The following SDK2 variants were observed in gnomAD, a reference collection of about 807,000 sequenced individuals.
SDK2 encodes protein sidekick-2.
A neutral mutation model predicts 253.9 loss-of-function variants in SDK2; 105 were observed. That is an observed-to-expected ratio of 0.41 (90% CI 0.35 to 0.49). The LOEUF (loss-of-function observed/expected upper bound fraction) is 0.49, where lower values mean the gene tolerates loss of function less well. SDK2 is among the 20% of genes least tolerant of loss of function. The pLI is 0.06. For synonymous variants in SDK2, 1,249 were observed against 1,234.9 expected (o/e 1.01, Z -0.24); for missense variants, 2,608 against 3,003.0 (o/e 0.87, Z 3.07).
chr17:73,340,941 G>A (rs896268066), intron 44 of SDK2, among the ~76,000 whole-genome samples: 3 of 151,122 alleles, frequency 2.0e-5, no homozygotes, highest in African/African-American at 4.9e-5. Flanking sequence ...ATGGGGTTTC[G>A]CCATGTTGGT....
intron 1 of SDK2, among the ~76,000 whole-genome samples, chr17:73,569,024 G>T (rs1567848103): frequency 6.6e-6 from 1 of 152,076 alleles, no homozygotes; most frequent in Non-Finnish European, 1.5e-5. Context: ...GTAACCACAA[G>T]AACCAGGAAC....
In SDK2 at chr17:73,609,920, T is replaced by C; in HGVS notation, c.64+34105A>G. ...CTGTCAGGAGACAAAAACAGCTCAC[T>C]GGAGCAAGGGCTGGGACTGGTAGTA... On this transcript the variant is annotated intron_variant, in intron 1 of 44. Coordinates refer to ENST00000392650, the MANE Select transcript of SDK2 (RefSeq NM_001144952.2). This position sits in a 1 kb window ranked among gnomAD's most constrained non-coding sequence, Gnocchi z 4.4. 6.6e-6 allele frequency among the ~76,000 whole-genome samples: 1 copy of C among 152,194 alleles called. No homozygotes were observed. Among genetic ancestry groups the C allele is most frequent in the East Asian group, 1.9e-4 (1 of 5,188 alleles).
intron 32 of SDK2, 120 bp downstream of exon 32, chr17:73,385,727 C>A: frequency 2.3e-6 from 2 of 873,526 alleles, no homozygotes; most frequent in Non-Finnish European, 3.7e-6. Context: ...GCTTCCCAGG[C>A]GCTCTGGGGG....
rs1599711341 is a variant in SDK2, at chr17:73,595,553, T to C, written c.64+48472A>G. 3.3e-5 allele frequency among the ~76,000 whole-genome samples: 5 copies of C among 152,252 alleles called. No homozygotes were observed. The South Asian group carries it at 1.0e-3, about 32-fold the overall frequency. On this transcript the variant is annotated intron_variant, in intron 1 of 44. Coordinates refer to ENST00000392650, the MANE Select transcript of SDK2 (RefSeq NM_001144952.2). ...AACGCTGTCTCCTCCTCGCTTGGAC[T>C]GGCCAGTGGCACAGGCTCCCTCCTA...
chr17:73,413,272 CTGA>C (rs1441993016), intron 18 of SDK2, among the ~76,000 whole-genome samples: 1 of 151,684 alleles, frequency 6.6e-6, no homozygotes, highest in Non-Finnish European at 1.5e-5. Flanking sequence ...AATCTAATGC[CTGA>C]TGATCTGTCA....
At position 73,393,516 on chromosome 17, in the gene SDK2, G is replaced by A. The variant is rs759954299; in HGVS notation, c.3898+44C>T. Reference sequence around the variant, plus strand: ...AGGCCAGATGGGCAGGAGGAAGGGCGGCTCCTCCCAGCCTTCCCCAAGCTT... The same window carrying A: ...AGGCCAGATGGGCAGGAGGAAGGGCAGCTCCTCCCAGCCTTCCCCAAGCTT... On this transcript the variant is annotated intron_variant, in intron 27 of 44. Transcript: ENST00000392650. The A allele has an allele frequency of 7.5e-6, 11 of 1,465,348 alleles. No individual in the cohort carries two copies. In the South Asian group the frequency reaches 1.2e-4, roughly 16 times the overall value. 90.8% of individuals were successfully genotyped at this position (1,465,348 alleles called of 1,614,324 possible). A position where few individuals can be genotyped will look rare whatever the true frequency, so the allele number is the denominator to read the frequency against.
chr17:73,605,917 T>G (rs1422258148), intron 1 of SDK2, among the ~76,000 whole-genome samples: 1 of 151,872 alleles, frequency 6.6e-6, no homozygotes, highest in African/African-American at 2.4e-5. Flanking sequence ...ACACCCCATT[T>G]CCCTGACTGC....
rs1171072072 is a variant in SDK2 at position 73,474,855 on chromosome 17, A to G, written c.225-2637T>C. Among the ~76,000 whole-genome samples, 4 of 152,352 alleles carry G rather than the reference A, an allele frequency of 2.6e-5. No homozygotes were observed. In the East Asian group the frequency reaches 7.7e-4, roughly 29 times the overall value. On this transcript the variant is annotated intron_variant, in intron 2 of 44. Coordinates refer to ENST00000392650, the MANE Select transcript of SDK2 (RefSeq NM_001144952.2). Reference sequence around the variant, plus strand: ...GAATCAGATATTATTAAAAAGCACCAGAGAGAGGAAAAGAAATAGAAATGG... The same window carrying G: ...GAATCAGATATTATTAAAAAGCACCGGAGAGAGGAAAAGAAATAGAAATGG...
chr17:73,507,619 G>C lies in SDK2; in HGVS notation c.65-22C>G, dbSNP rs374390912. On this transcript the variant is annotated intron_variant, in intron 1 of 44. Transcript: ENST00000392650. ...TCATCTGCAGAAACAGGGAGACAAAGCCACCAGTGATCACTTGCTCACCTA... is the reference window on the plus strand; with the variant it reads ...TCATCTGCAGAAACAGGGAGACAAACCCACCAGTGATCACTTGCTCACCTA... The C allele has an allele frequency of 2.3e-5, 36 of 1,547,888 alleles. 2 individuals are homozygous for C. Among genetic ancestry groups the C allele is most frequent in the East Asian group, 2.0e-4 (8 of 40,818 alleles).
Position 73,507,959 on chromosome 17 carries a change from C to T in SDK2, c.65-362G>A, listed in dbSNP as rs555738890. 2.6e-3 allele frequency among the ~76,000 whole-genome samples: 401 copies of T among 152,332 alleles called. 3 individuals carry two copies. Among genetic ancestry groups the T allele is most frequent in the African/African-American group, 9.3e-3 (386 of 41,584 alleles). The stretch of plus-strand genomic sequence containing the variant: ...TCCAGGGCAGGAGGCAAGAGGGGCA[C>T]TTTCTGTGGCCCAGCCAAAGGGAAT... On this transcript the variant is annotated intron_variant, in intron 1 of 44. Transcript: ENST00000392650.
At chr17:73,363,897 C>G (rs527277049) in intron 38 of SDK2, among the ~76,000 whole-genome samples, 26 of 152,072 alleles carry the variant, frequency 1.7e-4, no homozygotes, top group South Asian at 2.1e-4. Context: ...CTGGCTCCCC[C>G]CTGGTGTTCT....
intron 30 of SDK2, among the ~76,000 whole-genome samples, 164 bp downstream of exon 30, chr17:73,387,672 C>T (rs937959328): frequency 1.3e-5 from 2 of 152,114 alleles, no homozygotes; most frequent in African/African-American, 4.8e-5. Context: ...AGCTGATTTG[C>T]GAGGGTGAGA....
Position 73,541,338 on chromosome 17 carries a change from G to A in SDK2, c.65-33741C>T, listed in dbSNP as rs2044865838. Among the ~76,000 whole-genome samples, 1 of 152,012 alleles carries A rather than the reference G, an allele frequency of 6.6e-6. No individual in the cohort carries two copies. Among genetic ancestry groups the A allele is most frequent in the African/African-American group, 2.4e-5 (1 of 41,378 alleles). On this transcript the variant is annotated intron_variant, in intron 1 of 44. Coordinates refer to ENST00000392650, the MANE Select transcript of SDK2 (RefSeq NM_001144952.2). The surrounding 1 kb of genome is among the most constrained non-coding windows in gnomAD (Gnocchi z 4.3). Reference sequence around the variant, plus strand: ...CAGAGCCAGGCTCTCCCTGCTGGTGGAGCGGATGTGGGGCATGGCTAATCC... The same window carrying A: ...CAGAGCCAGGCTCTCCCTGCTGGTGAAGCGGATGTGGGGCATGGCTAATCC...
intron 18 of SDK2, among the ~76,000 whole-genome samples, chr17:73,409,937 C>T (rs2063112508): frequency 6.6e-6 from 1 of 152,102 alleles, no homozygotes; most frequent in Non-Finnish European, 1.5e-5. Context: ...TCACTGTAGC[C>T]TTGAATCGTG....
At chr17:73,500,539 C>A (rs1319521940) in intron 2 of SDK2, among the ~76,000 whole-genome samples, 1 of 149,722 alleles carries the variant, frequency 6.7e-6, no homozygotes, top group East Asian at 2.0e-4. Context: ...ATCCATCCCC[C>A]CTCAGTTCTC....
At chr17:73,464,333 T>C (rs1329463486) in intron 3 of SDK2, among the ~76,000 whole-genome samples, 2 of 152,128 alleles carry the variant, frequency 1.3e-5, no homozygotes, top group African/African-American at 4.8e-5. Flanking sequence ...ATTTTATGAG[T>C]GGAAATTCCC....
chr17:73,592,858 C>A (rs536525781), intron 1 of SDK2, among the ~76,000 whole-genome samples: 1 of 152,274 alleles, frequency 6.6e-6, no homozygotes, highest in African/African-American at 2.4e-5. Context: ...GTCACAGACA[C>A]ATGGCCTGGC....
At chr17:73,382,967 T>G (rs1378941825) in intron 33 of SDK2, among the ~76,000 whole-genome samples, 2 of 152,178 alleles carry the variant, frequency 1.3e-5, no homozygotes, top group Non-Finnish European at 2.9e-5. Context: ...AAGCGGAGGT[T>G]GCAGTGAGCT....
At chr17:73,349,635 C>T (rs2062517145) in intron 43 of SDK2, among the ~76,000 whole-genome samples, 1 of 152,230 alleles carries the variant, frequency 6.6e-6, no homozygotes, top group South Asian at 2.1e-4. Flanking sequence ...TGTGCTTGCA[C>T]CACGAGCCTT....
Sources: gnomAD v4.1 joint callset for allele counts (sites outside exome capture counted in the v4.1 genomes callset) on GRCh38, gnomAD v4.1.1 for gene constraint, Gnocchi (gnomAD v3.1) non-coding constraint, MANE v1.5 for transcripts, NCBI Gene and HGNC (gene_info 2026-07-23, HGNC 2026-07-21) for gene names.